FRAS1: variants seen among roughly 807,000 people sequenced by gnomAD.
FRAS1 encodes the protein extracellular matrix organizing protein FRAS1.
A neutral mutation model predicts 435.2 loss-of-function variants in FRAS1; 290 were observed. The ratio of observed to expected loss-of-function variants is 0.67; its 90% CI spans 0.61 to 0.73. FRAS1 has a LOEUF of 0.73. FRAS1 is among the 30% of genes least tolerant of loss of function. The probability of loss-of-function intolerance (pLI) is 0.00; values close to 1 mark genes in which losing one functional copy is unlikely to be tolerated. For synonymous variants in FRAS1, 1,800 were observed against 1,851.0 expected (o/e 0.97, Z 0.71); for missense variants, 4,860 against 5,001.5 (o/e 0.97, Z 0.85).
chr4:78,519,624 T>A, intron 67 of FRAS1, 143 bp downstream of exon 67: 1 of 928,086 alleles, frequency 1.1e-6, no homozygotes, highest in Non-Finnish European at 1.6e-6. Flanking sequence ...AAAGTGCAGA[T>A]CTGTGGTTCC....
chr4:78,513,674 G>A (rs945986996), intron 65 of FRAS1, 122 bp downstream of exon 65: 3 of 884,792 alleles, frequency 3.4e-6, no homozygotes, highest in Non-Finnish European at 5.3e-6. Context: ...CATATTAGTG[G>A]TTTTCCTTCT....
intron 20 of FRAS1, among the ~76,000 whole-genome samples, chr4:78,341,474 A>G (rs907834731): frequency 1.3e-5 from 2 of 152,216 alleles, no homozygotes; most frequent in Admixed American, 6.5e-5. Flanking sequence ...GCAGAAATCC[A>G]GATGAGAGAA....
intron 42 of FRAS1, 80 bp from the exon 43 acceptor site, chr4:78,446,647 A>G (rs1718839680): frequency 1.3e-6 from 2 of 1,512,708 alleles, no homozygotes; most frequent in African/African-American, 1.4e-5. Context: ...TTCTGTAGCA[A>G]TGATACTGTC....
At chr4:78,094,116 T>G (rs1429901585) in intron 2 of FRAS1, among the ~76,000 whole-genome samples, 1 of 145,138 alleles carries the variant, frequency 6.9e-6, no homozygotes, top group Admixed American at 6.9e-5. Context: ...TTTTTTTTTT[T>G]TTTTTTTTTT....
chr4:78,540,588 A>G lies in FRAS1; in HGVS notation c.11503A>G (p.Ile3835Val), dbSNP rs751702925. ...QVIYIIGPDT[I>V]SGPRVQRSLT... ...CATCTACATCATTGGCCCTGACACC[A>G]TCTCAGGGCCCCGGGTCCAGCGCTC... Residue 3835 changes from isoleucine (I) to valine (V), a missense_variant, in exon 74 of 74, where the codon ATC becomes GTC. By Grantham distance (29) the Ile-to-Val change is conservative. Coordinates refer to ENST00000512123, the MANE Select transcript of FRAS1 (RefSeq NM_025074.7). 12 of 1,528,638 alleles carry G rather than the reference A, an allele frequency of 7.9e-6. No homozygotes were observed. In the Admixed American group the frequency reaches 8.5e-5, roughly 11 times the overall value. The allele number at this position is 1,528,638 out of a possible 1,614,324, so 94.7% of individuals were successfully genotyped here.
chr4:78,071,228 T>C (rs1279851075), intron 2 of FRAS1: 1 of 152,218 alleles, frequency 6.6e-6, no homozygotes, highest in Admixed American at 6.5e-5. Flanking sequence ...ACTACATACA[T>C]GCTGTGTGGT....
chr4:78,339,554 A>G (rs372916090), intron 20 of FRAS1, among the ~76,000 whole-genome samples: 8 of 152,342 alleles, frequency 5.3e-5, no homozygotes, highest in African/African-American at 1.9e-4. Context: ...TTCCAGAAGA[A>G]TAACCAGGAT....
Position 78,367,525 on chromosome 4 carries a change from T to A in FRAS1, c.2723-2313T>A, listed in dbSNP as rs139248319. Among the ~76,000 whole-genome samples the A allele has an allele frequency of 3.7e-4, 57 of 152,166 alleles. 1 individual carries two copies. Among genetic ancestry groups the A allele is most frequent in the African/African-American group, 1.3e-3 (53 of 41,516 alleles). ...TGACCCCTGGCTGGGGAACTGGCAT[T>A]CGGGGACCTCATTTTGCAGCTCTAT... On this transcript the variant is annotated intron_variant, in intron 22 of 73. Transcript: ENST00000512123.
intron 14 of FRAS1, among the ~76,000 whole-genome samples, chr4:78,301,319 G>A (rs1728381851): frequency 1.3e-5 from 2 of 151,814 alleles, no homozygotes; most frequent in Non-Finnish European, 2.9e-5. Context: ...AAAAAATTCA[G>A]TTATTCAGAA....
chr4:78,464,001 C>G lies in FRAS1; in HGVS notation c.6764-20C>G. 1 of 1,612,120 alleles carries G rather than the reference C, an allele frequency of 6.2e-7. No individual in the cohort carries two copies. The highest frequency in any genetic ancestry group is 8.5e-7 in the Non-Finnish European group (1 of 1,179,556). The stretch of plus-strand genomic sequence containing the variant: ...GCATTTTAATATCCTGTCTCTGTTT[C>G]TCTTTTCCCCTTTTTCTAGGTATCC... On this transcript the variant is annotated intron_variant, in intron 47 of 73. Transcript: ENST00000512123.
chr4:78,230,744 G>A (rs1323238030), intron 2 of FRAS1, among the ~76,000 whole-genome samples: 1 of 152,124 alleles, frequency 6.6e-6, no homozygotes, highest in African/African-American at 2.4e-5. Flanking sequence ...AGGAAACACT[G>A]TTAATTTTTA....
intron 19 of FRAS1, among the ~76,000 whole-genome samples, chr4:78,336,628 T>TCTTG (rs917773272): frequency 1.3e-5 from 2 of 152,142 alleles, no homozygotes; most frequent in Non-Finnish European, 1.5e-5. Context: ...CAGTTTATTT[T>TCTTG]CTTGCTTGCT....
intron 2 of FRAS1, among the ~76,000 whole-genome samples, chr4:78,067,705 ATTATTATTT>A (rs1740113830): frequency 7.4e-6 from 1 of 134,750 alleles, no homozygotes; most frequent in South Asian, 2.4e-4. Flanking sequence ...TATTATTATT[ATTATTATTT>A]GTAAGATAGG....
intron 14 of FRAS1, among the ~76,000 whole-genome samples, chr4:78,305,359 C>T (rs1367761854): frequency 1.3e-5 from 2 of 151,042 alleles, no homozygotes; most frequent in Non-Finnish European, 3.0e-5. Context: ...GTGGAGAGTT[C>T]TGTAGATGTC....
chr4:78,233,209 C>T (rs1425954834), intron 2 of FRAS1, among the ~76,000 whole-genome samples: 1 of 152,180 alleles, frequency 6.6e-6, no homozygotes, highest in Non-Finnish European at 1.5e-5. Flanking sequence ...ATGGCTGGCA[C>T]TTAGAGTCAT....
intron 23 of FRAS1, among the ~76,000 whole-genome samples, chr4:78,371,679 C>A (rs1249584009): frequency 6.6e-6 from 1 of 152,078 alleles, no homozygotes; most frequent in Non-Finnish European, 1.5e-5. Context: ...ACAGACTTAC[C>A]TTTCTTCAAA....
chr4:78,129,156 A>G (rs1158175743), intron 2 of FRAS1, among the ~76,000 whole-genome samples: 2 of 152,156 alleles, frequency 1.3e-5, no homozygotes, highest in Non-Finnish European at 2.9e-5. Context: ...TGGTTACTGT[A>G]GCCTTGTAGA....
chr4:78,145,682 A>G (rs1388917041), intron 2 of FRAS1, among the ~76,000 whole-genome samples: 1 of 152,174 alleles, frequency 6.6e-6, no homozygotes, highest in Non-Finnish European at 1.5e-5. Flanking sequence ...TTATTGAAAA[A>G]ACTATATAAG....
intron 2 of FRAS1, among the ~76,000 whole-genome samples, chr4:78,122,072 C>T (rs1215601680): frequency 6.6e-6 from 1 of 152,152 alleles, no homozygotes; most frequent in Non-Finnish European, 1.5e-5. Flanking sequence ...TGGTTTGCTG[C>T]ACCCGTCAAC....
Sources: gnomAD v4.1 joint callset for allele counts (sites outside exome capture counted in the v4.1 genomes callset) on GRCh38, gnomAD v4.1.1 for gene constraint, MANE v1.5 for transcripts, NCBI Gene and HGNC (gene_info 2026-07-23, HGNC 2026-07-21) for gene names.